The following RNF130 variants were observed in gnomAD, a reference collection of about 807,000 sequenced individuals.
RNF130 encodes the protein E3 ubiquitin-protein ligase RNF130.
In RNF130, 21 loss-of-function variants were observed where a neutral mutation model predicts 44.6. That is an observed-to-expected ratio of 0.47 (90% CI 0.33 to 0.68). RNF130 has a LOEUF of 0.68. RNF130 is among the 30% of genes least tolerant of loss of function. RNF130 has a pLI of 0.02. For synonymous variants in RNF130, 214 were observed against 210.4 expected (o/e 1.02, Z -0.15); for missense variants, 479 against 560.6 (o/e 0.85, Z 1.47).
chr5:180,037,363 T>G (rs1275651226), intron 2 of RNF130, among the ~76,000 whole-genome samples: 1 of 152,172 alleles, frequency 6.6e-6, no homozygotes, highest in African/African-American at 2.4e-5. Flanking sequence ...AAACAGCAGT[T>G]GTGCTCCACC....
chr5:180,012,799 C>T (rs1295368579), intron 3 of RNF130, among the ~76,000 whole-genome samples: 2 of 152,142 alleles, frequency 1.3e-5, no homozygotes, highest in Admixed American at 1.3e-4. Flanking sequence ...TCCAAATTAA[C>T]AGAATTATCT....
In RNF130 at chr5:179,967,043, A is replaced by T. The variant is rs755579862; in HGVS notation, c.946-33T>A. The T allele has an allele frequency of 1.6e-5, 25 of 1,557,062 alleles. No homozygotes were observed. The East Asian group carries it at 5.4e-4, about 34-fold the overall frequency. On this transcript the variant is annotated intron_variant, in intron 6 of 8. Coordinates refer to ENST00000521389, the MANE Select transcript of RNF130 (RefSeq NM_018434.6). ...ATATTTCCAGGTTAAAAATAATTGT[A>T]AGGAAAACACAACCTTTCATAAGAT...
intron 3 of RNF130, among the ~76,000 whole-genome samples, chr5:180,010,244 CAAAAAAAAAAAAAAAA>C (rs71001067): frequency 9.7e-5 from 4 of 41,086 alleles, no homozygotes; most frequent in Admixed American, 4.1e-4. Context: ...GACTACATCT[CAAAAAAAAAAAAAAAA>C]AAAAAAAAAA....
At chr5:180,002,639 CCT>C (rs1474319550) in intron 3 of RNF130, among the ~76,000 whole-genome samples, 2 of 152,036 alleles carry the variant, frequency 1.3e-5, no homozygotes, top group East Asian at 3.9e-4. Flanking sequence ...CTGCTGGGAT[CCT>C]CTCACTTACC....
chr5:179,982,079 C>T (rs976535862), intron 3 of RNF130, among the ~76,000 whole-genome samples: 37 of 152,188 alleles, frequency 2.4e-4, no homozygotes, highest in African/African-American at 8.7e-4. Flanking sequence ...CACCCCATCC[C>T]TCCATGATCT....
At chr5:180,055,440 T>TCTGTGTGTGTG (rs57927481) in intron 1 of RNF130, among the ~76,000 whole-genome samples, 4,245 of 150,758 alleles carry the variant, frequency 0.028, 70 homozygotes, top group Non-Finnish European at 0.04. Context: ...TCAGATGACT[T>TCTGTGTGTGTG]TGTGTGTGTG....
At chr5:179,974,320 G>A (rs372405228) in intron 5 of RNF130, among the ~76,000 whole-genome samples, 7 of 152,266 alleles carry the variant, frequency 4.6e-5, no homozygotes, top group South Asian at 2.1e-4. Flanking sequence ...TACTTCTAAC[G>A]ACTACACACT....
intron 1 of RNF130, among the ~76,000 whole-genome samples, chr5:180,057,508 A>G (rs1036902842): frequency 4.6e-5 from 7 of 152,024 alleles, no homozygotes; most frequent in Non-Finnish European, 1.0e-4. Flanking sequence ...AGACCGTACC[A>G]CTGCGCTCCA....
chr5:180,029,384 C>T (rs1735103213), intron 2 of RNF130, among the ~76,000 whole-genome samples: 1 of 151,714 alleles, frequency 6.6e-6, no homozygotes, highest in Non-Finnish European at 1.5e-5. Flanking sequence ...AGCATGAAAC[C>T]AAGAATTTAT....
At chr5:179,921,600 C>G (rs1489860158) in intron 7 of RNF130, among the ~76,000 whole-genome samples, 2 of 152,110 alleles carry the variant, frequency 1.3e-5, no homozygotes, top group South Asian at 2.1e-4. Context: ...GAGTTCAAGA[C>G]CAGCTTCAAC....
chr5:180,069,400 TCCCCCACCCTCA>T (rs997702698), intron 1 of RNF130, among the ~76,000 whole-genome samples: 4 of 151,958 alleles, frequency 2.6e-5, no homozygotes, highest in Non-Finnish European at 4.4e-5. Context: ...ACCTGTAGGA[TCCCCCACCCTCA>T]CCCCCACCCC....
intron 7 of RNF130, among the ~76,000 whole-genome samples, chr5:179,925,108 G>A (rs1445046381): frequency 2.6e-5 from 4 of 152,242 alleles, no homozygotes; most frequent in Admixed American, 2.6e-4. Flanking sequence ...AATCTCCACA[G>A]TGGTATCTTT....
chr5:179,920,459 G>T, intron 7 of RNF130: 1 of 698,906 alleles, frequency 1.4e-6, no homozygotes, highest in Non-Finnish European at 2.6e-6. Context: ...AGACTTAATA[G>T]GTCACCAGGC....
At chr5:179,999,497 G>A (rs977249680) in intron 3 of RNF130, among the ~76,000 whole-genome samples, 5 of 152,004 alleles carry the variant, frequency 3.3e-5, no homozygotes, top group African/African-American at 1.2e-4. Context: ...CAAGACGGGC[G>A]GATCACCTGA....
At chr5:180,071,056 A>G (rs1229638588) in intron 1 of RNF130, among the ~76,000 whole-genome samples, 2 of 151,604 alleles carry the variant, frequency 1.3e-5, no homozygotes, top group Non-Finnish European at 2.9e-5. Context: ...TTCCAGATCT[A>G]GCGCAGCCTT....
intron 8 of RNF130, chr5:179,956,136 C>G (rs1030999108): frequency 6.5e-6 from 1 of 153,732 alleles, no homozygotes; most frequent in Admixed American, 6.5e-5. Context: ...GTGTTTCTGT[C>G]CTTGCATCAG....
At chr5:179,917,723 T>C (rs1293606710) in exon 8 of RNF130, 1 of 152,156 alleles carries the variant, frequency 6.6e-6, no homozygotes, top group African/African-American at 2.4e-5. Flanking sequence ...CATTCTTGGC[T>C]GGGCATGGTG....
At chr5:179,986,197 G>A (rs1478294628) in intron 3 of RNF130, among the ~76,000 whole-genome samples, 1 of 152,166 alleles carries the variant, frequency 6.6e-6, no homozygotes, top group Non-Finnish European at 1.5e-5. Context: ...AAGTTTTTGT[G>A]CCTGTTGGTG....
At chr5:179,919,526 T>A (rs1761597803) in exon 8 of RNF130, 1 of 152,378 alleles carries the variant, frequency 6.6e-6, no homozygotes, top group African/African-American at 2.4e-5. Context: ...GGCTCCCAGG[T>A]GCCACCTCCC....
Sources: allele counts gnomAD v4.1 joint callset (sites outside exome capture counted in the v4.1 genomes callset), GRCh38; gene constraint gnomAD v4.1.1; transcripts MANE v1.5; gene names NCBI Gene and HGNC (gene_info 2026-07-23, HGNC 2026-07-21).